The following CHPT1 variants were observed in gnomAD, a reference collection of about 807,000 sequenced individuals.
The protein encoded by CHPT1 is choline phosphotransferase 1.
In CHPT1, 36 loss-of-function variants were observed where a neutral mutation model predicts 47.6. The observed-to-expected ratio is 0.76, with a 90% CI of 0.58 to 1.00. The LOEUF (loss-of-function observed/expected upper bound fraction) is 1.00. CHPT1 is among the 50% of genes least tolerant of loss of function. The pLI, the probability that CHPT1 is intolerant of heterozygous loss-of-function variation, is 0.00. For missense variants in CHPT1, 458 were observed against 498.1 expected (o/e 0.92, Z 0.77); for synonymous variants, 194 against 186.3 (o/e 1.04, Z -0.33).
At chr12:101,714,032 T>C (rs916949264) in intron 1 of CHPT1, 58 bp from the exon 2 acceptor site, 7 of 1,198,510 alleles carry the variant, frequency 5.8e-6, no homozygotes, top group Non-Finnish European at 6.0e-6. Context: ...TAGGTTGAGC[T>C]ATTTTCAGAA....
At chr12:101,728,820 T>G in intron 8 of CHPT1, 81 bp from the exon 9 acceptor site, 1 of 1,522,626 alleles carries the variant, frequency 6.6e-7, no homozygotes. Context: ...AGGTTTATGA[T>G]TAAAGATGTT....
At chr12:101,720,715 T>G (rs1951836121) in intron 5 of CHPT1, among the ~76,000 whole-genome samples, 1 of 152,180 alleles carries the variant, frequency 6.6e-6, no homozygotes, top group African/African-American at 2.4e-5. Context: ...AGGTAAAATT[T>G]TAACTTTAAT....
At chr12:101,716,208 C>T (rs555438591) in intron 3 of CHPT1, among the ~76,000 whole-genome samples, 1 of 152,098 alleles carries the variant, frequency 6.6e-6, no homozygotes, top group South Asian at 2.1e-4. Context: ...GAAATTTAAG[C>T]ATATTTACTA....
intron 1 of CHPT1, among the ~76,000 whole-genome samples, chr12:101,710,505 G>T (rs1951690813): frequency 6.7e-6 from 1 of 148,918 alleles, no homozygotes; most frequent in Admixed American, 6.8e-5. Flanking sequence ...TTTGGTTTCT[G>T]CCTAGACTTC....
rs192490467 is a variant in CHPT1 at position 101,726,144 on chromosome 12, A to G, written c.1066-150A>G. On this transcript the variant is annotated intron_variant, in intron 7 of 8. Transcript: ENST00000229266. ...TTCCAGAGGACTACAGTGAGGTCCA[A>G]ATTTGAAATGTATTAAAGTGCTTTA... The G allele has an allele frequency of 3.2e-5, 19 of 596,236 alleles. No homozygotes were observed. In the East Asian group the frequency reaches 5.2e-4, roughly 16 times the overall value. The allele number at this position is 596,236 out of a possible 1,614,324, so 36.9% of individuals were successfully genotyped here.
chr12:101,700,324 A>AGAG (rs2136995903), intron 1 of CHPT1, among the ~76,000 whole-genome samples: 1 of 17,472 alleles, frequency 5.7e-5, no homozygotes, highest in East Asian at 6.4e-4. Context: ...GCCTCATGTG[A>AGAG]AAAAAAAAAA....
chr12:101,703,357 C>G (rs1194269139), intron 1 of CHPT1, among the ~76,000 whole-genome samples: 2 of 152,138 alleles, frequency 1.3e-5, no homozygotes, highest in African/African-American at 4.8e-5. Flanking sequence ...CAAAATGATT[C>G]ACACTGAATA....
At chr12:101,709,767 T>C (rs1951681626) in intron 1 of CHPT1, among the ~76,000 whole-genome samples, 1 of 148,434 alleles carries the variant, frequency 6.7e-6, no homozygotes, top group African/African-American at 2.4e-5. Context: ...TGAAAGTGTA[T>C]TGTGTGAGGG....
At chr12:101,699,626 G>A (rs778534665) in intron 1 of CHPT1, among the ~76,000 whole-genome samples, 9 of 152,130 alleles carry the variant, frequency 5.9e-5, no homozygotes, top group Non-Finnish European at 1.3e-4. Context: ...GACCTCAAGT[G>A]ATCCGCCTGC....
At chr12:101,701,754 T>A (rs1232796506) in intron 1 of CHPT1, among the ~76,000 whole-genome samples, 5 of 152,142 alleles carry the variant, frequency 3.3e-5, no homozygotes, top group Admixed American at 3.3e-4. Flanking sequence ...CAGATGCTTA[T>A]AATTTTGCAT....
intron 7 of CHPT1, among the ~76,000 whole-genome samples, chr12:101,725,433 A>C (rs557801733): frequency 8.5e-5 from 13 of 152,256 alleles, no homozygotes; most frequent in African/African-American, 3.1e-4. Context: ...ATATCTAAAA[A>C]CTCAATGTAA....
intron 1 of CHPT1, among the ~76,000 whole-genome samples, chr12:101,707,557 A>G (rs559522892): frequency 6.6e-6 from 1 of 152,198 alleles, no homozygotes; most frequent in Non-Finnish European, 1.5e-5. Flanking sequence ...TTGGTTAAAC[A>G]TATACTGTGT....
Position 101,728,898 on chromosome 12 carries a change from T to C in CHPT1, c.1177-3T>C. On this transcript the variant is annotated splice_polypyrimidine_tract_variant and splice_region_variant and intron_variant, in intron 8 of 8. Coordinates refer to ENST00000229266, the MANE Select transcript of CHPT1 (RefSeq NM_020244.3). ...AACGTTATAATTGTATCATATTACT[T>C]AGGTTCAAGTTCTTTCTTCAAAGAG... 6.2e-7 allele frequency: 1 copy of C among 1,613,358 alleles called. No homozygotes were observed. Among genetic ancestry groups the C allele is most frequent in the South Asian group, 1.1e-5 (1 of 91,042 alleles).
At chr12:101,703,663 C>A (rs948571178) in intron 1 of CHPT1, among the ~76,000 whole-genome samples, 2 of 152,146 alleles carry the variant, frequency 1.3e-5, no homozygotes, top group African/African-American at 4.8e-5. Flanking sequence ...CTGGAGCCTC[C>A]CCAGGCCTCA....
intron 1 of CHPT1, among the ~76,000 whole-genome samples, chr12:101,701,716 T>C (rs928123907): frequency 8.5e-5 from 13 of 152,278 alleles, no homozygotes; most frequent in African/African-American, 3.1e-4. Flanking sequence ...ATTTGTATAA[T>C]CTCTATAGCA....
chr12:101,706,416 T>C (rs1951633903), intron 1 of CHPT1, among the ~76,000 whole-genome samples: 1 of 151,892 alleles, frequency 6.6e-6, no homozygotes, highest in South Asian at 2.1e-4. Context: ...CACATTCTAA[T>C]ATGAAAGATA....
intron 8 of CHPT1, chr12:101,726,855 T>TAATGTAAGTATTGA (rs1555263747): frequency 1.8e-5 from 3 of 165,966 alleles, no homozygotes; most frequent in Non-Finnish European, 3.9e-5. Flanking sequence ...GTGCATGGCT[T>TAATGTAAGTATTGA]ATAATGTAAT....
At chr12:101,707,180 C>A (rs1294654343) in intron 1 of CHPT1, among the ~76,000 whole-genome samples, 1 of 152,060 alleles carries the variant, frequency 6.6e-6, no homozygotes, top group Admixed American at 6.6e-5. Flanking sequence ...ATCAGGCAGT[C>A]CTTGAAGGAG....
chr12:101,705,146 C>G (rs1951612942), intron 1 of CHPT1, among the ~76,000 whole-genome samples: 1 of 135,546 alleles, frequency 7.4e-6, no homozygotes, highest in Non-Finnish European at 1.5e-5. Context: ...TCACTGCAAC[C>G]TTGGCCTACT....
Sources: gnomAD v4.1 joint callset for allele counts (sites outside exome capture counted in the v4.1 genomes callset) on GRCh38, gnomAD v4.1.1 for gene constraint, MANE v1.5 for transcripts, NCBI Gene and HGNC (gene_info 2026-07-23, HGNC 2026-07-21) for gene names.